The following FRMD8 variants were observed in gnomAD, a reference collection of about 807,000 sequenced individuals.
The protein encoded by FRMD8 is FERM domain-containing protein 8.
Under a neutral mutation model 54.2 loss-of-function variants are expected in FRMD8, and 37 were observed. The observed-to-expected ratio is 0.68, with a 90% CI of 0.53 to 0.90. The LOEUF is 0.90. Among genes scored for constraint, FRMD8 ranks in the 40% least tolerant of loss-of-function variants. FRMD8 has a pLI of 0.00. For missense variants in FRMD8, 585 were observed against 653.7 expected, an observed-to-expected ratio of 0.89 and a Z score of 1.15; for synonymous variants, 246 against 286.9, an observed-to-expected ratio of 0.86 and a Z score of 1.44.
At chr11:65,401,774 G>T (rs1410394723) in intron 9 of FRMD8, among the ~76,000 whole-genome samples, 4 of 148,914 alleles carry the variant, frequency 2.7e-5, no homozygotes, top group Admixed American at 6.7e-5. Context: ...CTGCCTCATG[G>T]CTTTGAACTC....
chr11:65,386,085 C>T (rs1215049520), upstream of FRMD8, among the ~76,000 whole-genome samples: 5 of 152,172 alleles, frequency 3.3e-5, no homozygotes, highest in African/African-American at 1.2e-4. Flanking sequence ...CGTGAGCCAC[C>T]GCGCCCGGCC....
chr11:65,369,808 G>A, the FRMD8 span, among the ~76,000 whole-genome samples: 655 of 148,288 alleles, frequency 4.4e-3, 3 homozygotes, highest in Middle Eastern at 6.8e-3. Context: ...CGAGGCGGGC[G>A]GATCACCTGA....
the FRMD8 span, among the ~76,000 whole-genome samples, chr11:65,369,801 G>A: frequency 6.6e-6 from 1 of 151,738 alleles, no homozygotes; most frequent in Non-Finnish European, 1.5e-5. Context: ...GGGAGGCCGA[G>A]GCGGGCGGAT....
At chr11:65,371,036 TG>T in the FRMD8 span, among the ~76,000 whole-genome samples, 1 of 152,166 alleles carries the variant, frequency 6.6e-6, no homozygotes, top group Admixed American at 6.6e-5. Context: ...CAGGGCGGGC[TG>T]GGGAACTTGA....
chr11:65,378,634 G>T, the FRMD8 span: 1 of 152,256 alleles, frequency 6.6e-6, no homozygotes, highest in African/African-American at 2.4e-5. Context: ...GCCTGACTTT[G>T]TCCTTTGTCC....
At chr11:65,373,068 A>G in the FRMD8 span, among the ~76,000 whole-genome samples, 1 of 152,162 alleles carries the variant, frequency 6.6e-6, no homozygotes, top group African/African-American at 2.4e-5. Flanking sequence ...GCTGGCCAAC[A>G]TGGCAAAACC....
rs1467353615 is a variant in FRMD8, at chr11:65,400,355, C to T, written c.928-369C>T. 6.6e-6 allele frequency among the ~76,000 whole-genome samples: 1 copy of T among 152,158 alleles called. No individual in the cohort carries two copies. Among genetic ancestry groups the T allele is most frequent in the Non-Finnish European group, 1.5e-5 (1 of 68,024 alleles). ...GCTTCTGGTTGTCCCGGAAGAAGGA[C>T]CCCAGCCCCTGCTGCCATCTGTGTC... On this transcript the variant is annotated intron_variant, in intron 8 of 10. Transcript: ENST00000317568. The surrounding 1 kb of genome is among the most constrained non-coding windows in gnomAD (Gnocchi z 4.3).
chr11:65,385,242 A>G (rs1235295003), upstream of FRMD8, among the ~76,000 whole-genome samples: 3 of 152,176 alleles, frequency 2.0e-5, no homozygotes, highest in Non-Finnish European at 4.4e-5. Flanking sequence ...AGAACCAGGA[A>G]GGAGATGCCT....
chr11:65,393,508 A>C, intron 3 of FRMD8, 65 bp from the exon 4 acceptor site: 1 of 1,207,620 alleles, frequency 8.3e-7, no homozygotes, highest in Middle Eastern at 2.5e-4. Flanking sequence ...GCGGTGTGAT[A>C]GGTGGAAGGG....
chr11:65,369,804 G>A, the FRMD8 span, among the ~76,000 whole-genome samples: 650 of 144,908 alleles, frequency 4.5e-3, 3 homozygotes, highest in Middle Eastern at 7.1e-3. Flanking sequence ...AGGCCGAGGC[G>A]GGCGGATCAC....
chr11:65,372,389 G>A, the FRMD8 span, among the ~76,000 whole-genome samples: 3 of 152,048 alleles, frequency 2.0e-5, no homozygotes, highest in Non-Finnish European at 4.4e-5. Context: ...CAGCCCAGTG[G>A]GTAGCCTTTG....
upstream of FRMD8, chr11:65,382,379 A>G: frequency 4.7e-6 from 1 of 212,742 alleles, no homozygotes; most frequent in Non-Finnish European, 9.8e-6. The surrounding 1 kb of genome is among the most constrained non-coding windows in gnomAD (Gnocchi z 4.4). Flanking sequence ...CCCATGCCAC[A>G]GAGAGAGGCC....
rs1438142028 is a variant in FRMD8, at chr11:65,400,121, C to G, written c.927+262C>G. On this transcript the variant is annotated intron_variant, in intron 8 of 10. Transcript: ENST00000317568. This position sits in a 1 kb window ranked among gnomAD's most constrained non-coding sequence, Gnocchi z 4.3. Reference sequence around the variant, plus strand: ...TGAGTGGAGGGAGGGCAGCAGGGCCCGCTGCTCTGCCTGGCTGATGGCTGG... The same window carrying G: ...TGAGTGGAGGGAGGGCAGCAGGGCCGGCTGCTCTGCCTGGCTGATGGCTGG... 1.3e-5 allele frequency among the ~76,000 whole-genome samples: 2 copies of G among 152,160 alleles called. No homozygotes were observed. Among genetic ancestry groups the G allele is most frequent in the Admixed American group, 6.5e-5 (1 of 15,274 alleles).
chr11:65,402,534 G>A (rs1856105468), intron 9 of FRMD8, among the ~76,000 whole-genome samples: 1 of 152,038 alleles, frequency 6.6e-6, no homozygotes, highest in South Asian at 2.1e-4. Context: ...TTGAAATCAG[G>A]TAGTCTGATA....
intron 3 of FRMD8, among the ~76,000 whole-genome samples, chr11:65,392,513 C>T (rs142489404): frequency 6.6e-6 from 1 of 152,184 alleles, no homozygotes; most frequent in African/African-American, 2.4e-5. Context: ...GCAGAGAACC[C>T]GGTGGCCACT....
the FRMD8 span, among the ~76,000 whole-genome samples, chr11:65,373,199 C>T: frequency 1.6e-4 from 24 of 152,126 alleles, no homozygotes; most frequent in African/African-American, 3.1e-4. Context: ...ATCGTGCCAC[C>T]GCACCCCAGC....
At chr11:65,377,020 C>T in the FRMD8 span, 36 of 1,613,858 alleles carry the variant, frequency 2.2e-5, no homozygotes, top group South Asian at 3.5e-4. Flanking sequence ...GGGCCCTTGG[C>T]TCTGTCTGGT....
At chr11:65,406,257 C>T (rs1202645397) in intron 10 of FRMD8, among the ~76,000 whole-genome samples, 5 of 149,474 alleles carry the variant, frequency 3.3e-5, no homozygotes, top group East Asian at 2.0e-4. Flanking sequence ...GCAGTGGGCG[C>T]GATCTTGGCT....
intron 10 of FRMD8, among the ~76,000 whole-genome samples, chr11:65,409,092 A>AT (rs1055337387): frequency 5.8e-4 from 84 of 145,356 alleles, no homozygotes; most frequent in Middle Eastern, 3.5e-3. Context: ...GAGATTGGAA[A>AT]TTTTTTTTTT....
Sources: gnomAD v4.1 joint callset for allele counts (sites outside exome capture counted in the v4.1 genomes callset) on GRCh38, gnomAD v4.1.1 for gene constraint, Gnocchi (gnomAD v3.1) non-coding constraint, MANE v1.5 for transcripts, NCBI Gene and HGNC (gene_info 2026-07-23, HGNC 2026-07-21) for gene names.